Variants in NR1I3 observed in about 807,000 individuals in gnomAD.
NR1I3 encodes the protein constitutive activator of retinoid response.
In NR1I3, 30 loss-of-function variants were observed where a neutral mutation model predicts 38.4. That is an observed-to-expected ratio of 0.78 (90% CI 0.58 to 1.06). NR1I3 has a LOEUF of 1.06. Ranked by LOEUF, NR1I3 falls within the 50% of genes least tolerant of loss-of-function variation. NR1I3 has a pLI of 0.00. For missense variants in NR1I3, 388 were observed against 435.7 expected, an observed-to-expected ratio of 0.89 and a Z score of 0.97; for synonymous variants, 143 against 165.1, an observed-to-expected ratio of 0.87 and a Z score of 1.03.
Position 161,236,568 on chromosome 1 carries a change from C to A in NR1I3, c.-3G>T, listed in dbSNP as rs2307415. On this transcript the variant is annotated 5_prime_UTR_variant, in exon 2 of 9. Coordinates refer to ENST00000367983, the MANE Select transcript of NR1I3 (RefSeq NM_005122.5). Reference sequence around the variant, plus strand: ...AGCTCATCTTCCCTACTGGCCATGACGTCACGTGTTGGGGTGGCTGTCACA... The same window carrying A: ...AGCTCATCTTCCCTACTGGCCATGAAGTCACGTGTTGGGGTGGCTGTCACA... The A allele has an allele frequency of 1.9e-6, 3 of 1,614,024 alleles. No individual in the cohort carries two copies. Among genetic ancestry groups the A allele is most frequent in the Non-Finnish European group, 2.5e-6 (3 of 1,179,986 alleles).
chr1:161,232,931 A>T lies in NR1I3; in HGVS notation c.424T>A (p.Phe142Ile). ...FVQFRPPAHL[F>I]IHHQPLPTLA... ...GTGGGCAAGGGCTGGTGATGGATGA[A>T]CAGATGAGCTGGAGGCTGCAATGAT... is the stretch of plus-strand genomic sequence containing the variant. The change falls in exon 5 of 9, where the codon TTC becomes ATC. Residue 142 changes from phenylalanine to isoleucine, a missense_variant. Physicochemically the swap from Phe to Ile is conservative, Grantham distance 21. Transcript: ENST00000367983. 2 of 1,614,196 alleles carry T rather than the reference A, an allele frequency of 1.2e-6. No individual in the cohort carries two copies. Among genetic ancestry groups the T allele is most frequent in the Non-Finnish European group, 1.7e-6 (2 of 1,180,034 alleles).
Position 161,229,911 on chromosome 1 carries a change from C to G in NR1I3, c.933G>C (p.Lys311Asn), listed in dbSNP as rs776318584. 11 of 1,614,164 alleles carry G rather than the reference C, an allele frequency of 6.8e-6. No homozygotes were observed. Among genetic ancestry groups the G allele is most frequent in the South Asian group, 3.3e-5 (3 of 91,082 alleles). ...GGAGCTCAGCCAGCAGGCCTAGCAACTTCGCATACAGAAACCTTTGGAGGA... is the reference window on the plus strand; with the variant it reads ...GGAGCTCAGCCAGCAGGCCTAGCAAGTTCGCATACAGAAACCTTTGGAGGA... ...RRPRDRFLYA[K>N]LLGLLAELRS... The change falls in exon 9 of 9, where the codon AAG becomes AAC. Residue 311 changes from lysine (K) to asparagine (N), a missense_variant. Physicochemically the swap from Lys to Asn is moderately conservative, Grantham distance 94 (BLOSUM62 0). Coordinates refer to ENST00000367983, the MANE Select transcript of NR1I3 (RefSeq NM_005122.5).
intron 3 of NR1I3, chr1:161,235,520 G>C (rs1668442383): frequency 4.4e-6 from 1 of 229,054 alleles, no homozygotes; most frequent in Non-Finnish European, 8.8e-6. Flanking sequence ...CGCCTGCCTC[G>C]GCCTCCCAAA....
chr1:161,238,081 T>C lies in NR1I3; in HGVS notation c.-74A>G, dbSNP rs1476851657. ...AGCATGTCACCTGCAGGCCACAGAA[T>C]CTGGTATGGAATGCCTCTCCCCAAA... On this transcript the variant is annotated 5_prime_UTR_variant, in exon 1 of 9. Coordinates refer to ENST00000367983, the MANE Select transcript of NR1I3 (RefSeq NM_005122.5). 1 of 1,613,946 alleles carries C rather than the reference T, an allele frequency of 6.2e-7. No individual in the cohort carries two copies. The highest frequency in any genetic ancestry group is 1.7e-5 in the Admixed American group (1 of 60,018).
chr1:161,236,015 A>G lies in NR1I3; in HGVS notation c.108-38T>C, dbSNP rs374876315. 3.5e-5 allele frequency: 55 copies of G among 1,553,562 alleles called. No individual in the cohort carries two copies. The African/African-American group carries it at 5.1e-4, about 14-fold the overall frequency. On this transcript the variant is annotated intron_variant, in intron 2 of 8. Transcript: ENST00000367983. ...GAGATGTTGTTAGAGTCTGGGATGC[A>G]ATGGATAGGTGAGGGGCTGAGATGA... is the stretch of plus-strand genomic sequence containing the variant.
chr1:161,236,729 T>TTCTTTA, intron 1 of NR1I3, 131 bp from the exon 2 acceptor site: 1 of 725,316 alleles, frequency 1.4e-6, no homozygotes, highest in Non-Finnish European at 2.1e-6. Flanking sequence ...TTTTGTGGTT[T>TTCTTTA]TCTTTTTCTT....
chr1:161,236,444 G>A lies in NR1I3; in HGVS notation c.107+15C>T. 1 of 1,613,938 alleles carries A rather than the reference G, an allele frequency of 6.2e-7. No homozygotes were observed. Among genetic ancestry groups the A allele is most frequent in the Non-Finnish European group, 8.5e-7 (1 of 1,179,934 alleles). Reference sequence around the variant, plus strand: ...TGGTTTGGAGGGCTATTTCCATTGGGGAGGAGACTCTCACCTGAAGAAACC... The same window carrying A: ...TGGTTTGGAGGGCTATTTCCATTGGAGAGGAGACTCTCACCTGAAGAAACC... On this transcript the variant is annotated intron_variant, in intron 2 of 8. Coordinates refer to ENST00000367983, the MANE Select transcript of NR1I3 (RefSeq NM_005122.5).
In NR1I3 at chr1:161,238,154, A is replaced by G; in HGVS notation, c.-147T>C. 17 of 1,596,732 alleles carry G rather than the reference A, an allele frequency of 1.1e-5. No homozygotes were observed. The highest frequency in any genetic ancestry group is 1.5e-5 in the Non-Finnish European group (17 of 1,166,024). On this transcript the variant is annotated 5_prime_UTR_variant, in exon 1 of 9. Coordinates refer to ENST00000367983, the MANE Select transcript of NR1I3 (RefSeq NM_005122.5). ...CCTCTGATCTCAGGAGTTGCCAGTG[A>G]TTGGAGTTAGGGATTATGACCCGTA...
At chr1:161,237,516 G>A (rs920216712) in intron 1 of NR1I3, among the ~76,000 whole-genome samples, 3 of 151,610 alleles carry the variant, frequency 2.0e-5, no homozygotes, top group South Asian at 2.1e-4. Context: ...TCATGAGATC[G>A]AGACCATCCT....
intron 3 of NR1I3, 35 bp downstream of exon 3, chr1:161,235,812 T>C (rs1668503542): frequency 6.2e-7 from 1 of 1,613,290 alleles, no homozygotes; most frequent in East Asian, 2.2e-5. Context: ...ACAGACGCAG[T>C]CAATGGATTC....
At chr1:161,235,250 C>T in intron 3 of NR1I3, 1 of 118,180 alleles carries the variant, frequency 8.5e-6, no homozygotes, top group Non-Finnish European at 1.7e-5. Context: ...GAAGAGTGCG[C>T]TTGGTGTTTT....
chr1:161,233,833 ATATATGTGTGTGTGTGTGTGTG>A (rs1286270085), intron 3 of NR1I3, among the ~76,000 whole-genome samples: 5 of 110,700 alleles, frequency 4.5e-5, no homozygotes, highest in African/African-American at 1.8e-4. Flanking sequence ...TTCATCATAT[ATATATGTGTGTGTGTGTGTGTG>A]TGTGTGTGTG....
intron 3 of NR1I3, 32 bp from the exon 4 acceptor site, chr1:161,233,370 T>C: frequency 1.2e-6 from 2 of 1,603,204 alleles, no homozygotes; most frequent in Non-Finnish European, 1.7e-6. Context: ...GACAAAGCTG[T>C]TGAGACCAGC....
In NR1I3 at chr1:161,233,302, G is replaced by C; in HGVS notation, c.275C>G (p.Ala92Gly). Residue 92 changes from alanine to glycine, a missense_variant, in exon 4 of 9, where the codon GCA (alanine) becomes GGA (glycine). Transcript: ENST00000367983. ...CTGTGCCCGCCGCTGGGCCTGCTTT[G>C]CTCGCCGCAATGCCAGGGCTTCTGC... is the stretch of plus-strand genomic sequence containing the variant. The part of the protein sequence containing the change: ...LSAEALALRR[A>G]KQAQRRAQQT... 1 of 1,614,102 alleles carries C rather than the reference G, an allele frequency of 6.2e-7. No individual in the cohort carries two copies.
rs745909079 is a variant in NR1I3 at position 161,231,356 on chromosome 1, G to A, written c.667C>T (p.Arg223Cys). 2.2e-5 allele frequency: 34 copies of A among 1,570,558 alleles called. No homozygotes were observed. In the South Asian group the frequency reaches 3.3e-4, roughly 15 times the overall value. The change falls in exon 6 of 9, where the codon CGC becomes TGC. Residue 223 changes from arginine to cysteine, a missense_variant. Transcript: ENST00000367983. ...CGGGCTCCATCTTCAATTGTGTAGC[G>A]AAGAGGCCCGCAGAGGAAGTTTTGT... ...QTQNFLCGPL[R>C]YTIEDGARVG... is the part of the protein sequence containing the mutation.
chr1:161,233,859 G>GTA (rs1667933791), intron 3 of NR1I3, among the ~76,000 whole-genome samples: 1 of 143,626 alleles, frequency 7.0e-6, no homozygotes, highest in South Asian at 2.1e-4. Flanking sequence ...GTGTGTGTGT[G>GTA]TGTGTGTGTG....
At chr1:161,233,408 T>C in intron 3 of NR1I3, 70 bp from the exon 4 acceptor site, 1 of 1,550,952 alleles carries the variant, frequency 6.4e-7, no homozygotes, top group Non-Finnish European at 8.8e-7. Flanking sequence ...TGGTCCCTGA[T>C]CTGGGGCCCC....
At position 161,237,748 on chromosome 1, in the gene NR1I3, C is replaced by CA. The variant is rs1558129772; in HGVS notation, c.-34+292dup. 2.6e-5 allele frequency among the ~76,000 whole-genome samples: 4 copies of CA among 151,762 alleles called. No individual in the cohort carries two copies. The South Asian group carries it at 8.3e-4, about 32-fold the overall frequency. On this transcript the variant is annotated intron_variant, in intron 1 of 8. Coordinates refer to ENST00000367983, the MANE Select transcript of NR1I3 (RefSeq NM_005122.5). ...AAACCCAAAAAAACAAAACAAAAAA[C>CA]AAAAAAACAAAAAAACAAATTCCTG...
intron 8 of NR1I3, 168 bp downstream of exon 8, chr1:161,230,645 G>C (rs1240458677): frequency 3.5e-6 from 3 of 846,862 alleles, no homozygotes; most frequent in East Asian, 5.2e-5. Flanking sequence ...CAGCAATTTG[G>C]ATGCTGAAAC....
Sources: gnomAD v4.1 joint callset for allele counts (sites outside exome capture counted in the v4.1 genomes callset) on GRCh38, gnomAD v4.1.1 for gene constraint, MANE v1.5 for transcripts, NCBI Gene and HGNC (gene_info 2026-07-23, HGNC 2026-07-21) for gene names.